Variants in NPFFR2 observed in about 807,000 individuals in gnomAD.
The protein encoded by NPFFR2 is neuropeptide FF receptor 2, also known as G-protein coupled receptor 74.
Under a neutral mutation model 13.1 loss-of-function variants are expected in NPFFR2, and 15 were observed. The observed-to-expected ratio is 1.15, with a 90% CI of 0.77 to 1.76. The LOEUF is 1.76. Ranked by LOEUF, NPFFR2 falls within the 40% of genes most tolerant of loss-of-function variation. The pLI is 0.00. For synonymous variants in NPFFR2, 190 were observed against 175.7 expected (o/e 1.08, Z -0.65); for missense variants, 572 against 503.5 (o/e 1.14, Z -1.30).
intron 1 of NPFFR2, among the ~76,000 whole-genome samples, chr4:72,113,944 G>A (rs1721638898): frequency 6.6e-6 from 1 of 152,040 alleles, no homozygotes; most frequent in South Asian, 2.1e-4. Flanking sequence ...TAAATCCTTA[G>A]GGTCTTAATT....
At chr4:72,119,894 C>T (rs562429561) in intron 1 of NPFFR2, among the ~76,000 whole-genome samples, 1 of 152,140 alleles carries the variant, frequency 6.6e-6, no homozygotes, top group Non-Finnish European at 1.5e-5. Context: ...TTCTTTTTTT[C>T]ATACCCCAGT....
chr4:72,043,277 TG>T, intron 1 of NPFFR2, among the ~76,000 whole-genome samples: 1 of 151,224 alleles, frequency 6.6e-6, no homozygotes, highest in South Asian at 2.1e-4. Context: ...GTGGAGAACC[TG>T]CTAGGGTAGT....
intron 3 of NPFFR2, among the ~76,000 whole-genome samples, chr4:72,146,273 T>C (rs1722780511): frequency 6.6e-6 from 1 of 152,170 alleles, no homozygotes; most frequent in Non-Finnish European, 1.5e-5. Flanking sequence ...ATGGCTAAGC[T>C]CTTATCTCCC....
intron 3 of NPFFR2, among the ~76,000 whole-genome samples, chr4:72,141,403 A>G (rs893812147): frequency 1.6e-4 from 25 of 152,150 alleles, no homozygotes; most frequent in African/African-American, 3.6e-4. Context: ...ATTTAGTGCT[A>G]TAAATTTCCC....
At position 72,130,563 on chromosome 4, in the gene NPFFR2, G is replaced by A. The variant is rs144211945; in HGVS notation, c.328+1644G>A. ...ATCATTAAAAAAAAATTTTATTGAGGTTGTGATGAAAGGACCCTTCCCTTG... is the reference window on the plus strand; with the variant it reads ...ATCATTAAAAAAAAATTTTATTGAGATTGTGATGAAAGGACCCTTCCCTTG... On this transcript the variant is annotated intron_variant, in intron 2 of 3. Transcript: ENST00000308744. Among the ~76,000 whole-genome samples, 19 of 152,214 alleles carry A rather than the reference G, an allele frequency of 1.2e-4. No individual in the cohort carries two copies. The East Asian group carries it at 3.1e-3, about 25-fold the overall frequency.
intron 1 of NPFFR2, among the ~76,000 whole-genome samples, chr4:72,100,199 G>T (rs796300293): frequency 5.3e-5 from 8 of 152,114 alleles, no homozygotes; most frequent in African/African-American, 1.9e-4. Flanking sequence ...ATAAAAGTAC[G>T]TATGATTTGG....
intron 2 of NPFFR2, among the ~76,000 whole-genome samples, chr4:72,135,309 A>T (rs1366192828): frequency 1.3e-5 from 2 of 152,044 alleles, no homozygotes; most frequent in Non-Finnish European, 2.9e-5. Flanking sequence ...TCTGAAAATG[A>T]GTGGCCTTTA....
intron 1 of NPFFR2, among the ~76,000 whole-genome samples, chr4:72,066,467 A>G (rs935295062): frequency 6.6e-6 from 1 of 152,184 alleles, no homozygotes; most frequent in African/African-American, 2.4e-5. Flanking sequence ...TATCAACTTA[A>G]AAGTCTAAAG....
chr4:72,082,623 T>A (rs1720660109), intron 1 of NPFFR2, among the ~76,000 whole-genome samples: 1 of 152,174 alleles, frequency 6.6e-6, no homozygotes. Flanking sequence ...GATTAATATA[T>A]CTATCACCTC....
At chr4:72,103,213 T>A (rs1008043431) in intron 1 of NPFFR2, among the ~76,000 whole-genome samples, 2 of 152,154 alleles carry the variant, frequency 1.3e-5, no homozygotes, top group African/African-American at 2.4e-5. Flanking sequence ...ATTATGTGAT[T>A]TATAAAAATT....
chr4:72,121,248 A>C (rs960558467), intron 1 of NPFFR2, among the ~76,000 whole-genome samples: 3 of 152,174 alleles, frequency 2.0e-5, no homozygotes, highest in African/African-American at 7.2e-5. Context: ...ATATGGTACA[A>C]TGTGAAAAGA....
At chr4:72,033,714 T>C (rs1482142092) in intron 1 of NPFFR2, among the ~76,000 whole-genome samples, 1 of 152,194 alleles carries the variant, frequency 6.6e-6, no homozygotes, top group Non-Finnish European at 1.5e-5. Flanking sequence ...TAAAATTATA[T>C]ATTAGAAATT....
chr4:72,147,087 G>C lies in NPFFR2; in HGVS notation c.538G>C (p.Val180Leu). 1 of 1,614,020 alleles carries C rather than the reference G, an allele frequency of 6.2e-7. No individual in the cohort carries two copies. The highest frequency in any genetic ancestry group is 1.3e-5 in the African/African-American group (1 of 75,010). The change falls in exon 4 of 4, where the codon GTA becomes CTA. Residue 180 changes from valine (V) to leucine (L), a missense_variant. Physicochemically the swap from Val to Leu is conservative, Grantham distance 32. Transcript: ENST00000308744. ...CATCACCATTATGTCTCCATCTGCA[G>C]TAATGTTACATGTGCAAGAAGAAAA... ...LAITIMSPSA[V>L]MLHVQEEKYY...
intron 1 of NPFFR2, among the ~76,000 whole-genome samples, chr4:72,085,350 T>A (rs907150585): frequency 2.0e-5 from 3 of 152,202 alleles, no homozygotes; most frequent in African/African-American, 7.2e-5. Flanking sequence ...GGGAAGAAAG[T>A]CTTTTGAGAC....
chr4:72,142,426 G>A (rs565199578), intron 3 of NPFFR2, among the ~76,000 whole-genome samples: 16 of 152,080 alleles, frequency 1.1e-4, no homozygotes, highest in East Asian at 3.9e-4. Flanking sequence ...CTCACCCTCC[G>A]TGGGCTGCAC....
At chr4:72,095,827 C>T (rs1180485279) in intron 1 of NPFFR2, among the ~76,000 whole-genome samples, 3 of 152,100 alleles carry the variant, frequency 2.0e-5, no homozygotes, top group East Asian at 1.9e-4. Context: ...AGAAAGTTCA[C>T]GGGGCTTAGC....
intron 1 of NPFFR2, among the ~76,000 whole-genome samples, chr4:72,109,747 GACA>G (rs1721512474): frequency 2.0e-5 from 3 of 151,770 alleles, no homozygotes; most frequent in African/African-American, 4.8e-5. Context: ...CCATTCCCTT[GACA>G]ACAACAACAA....
intron 1 of NPFFR2, among the ~76,000 whole-genome samples, chr4:72,080,144 G>T (rs370802268): frequency 0.028 from 845 of 29,832 alleles, 2 homozygotes; most frequent in Non-Finnish European, 0.17. Flanking sequence ...GTTTTTTGTT[G>T]TTGTTGTTGT....
chr4:72,091,537 T>C (rs2109802180), intron 1 of NPFFR2, among the ~76,000 whole-genome samples: 1 of 152,286 alleles, frequency 6.6e-6, no homozygotes, highest in South Asian at 2.1e-4. Flanking sequence ...GTTCAGTGTT[T>C]CTACTTCTTC....
Sources: gnomAD v4.1 joint callset for allele counts (sites outside exome capture counted in the v4.1 genomes callset) on GRCh38, gnomAD v4.1.1 for gene constraint, MANE v1.5 for transcripts, NCBI Gene and HGNC (gene_info 2026-07-23, HGNC 2026-07-21) for gene names.